The following SPHKAP variants were observed in gnomAD, a reference collection of about 807,000 sequenced individuals.
The protein encoded by SPHKAP is A-kinase anchor protein SPHKAP.
In SPHKAP, 67 loss-of-function variants were observed where a neutral mutation model predicts 137.5. The observed-to-expected ratio is 0.49, with a 90% CI of 0.40 to 0.60. The LOEUF is 0.60. Ranked by LOEUF, SPHKAP falls within the 20% of genes least tolerant of loss-of-function variation. The pLI is 0.00. For synonymous variants in SPHKAP, 813 were observed against 785.3 expected (o/e 1.04, Z -0.59); for missense variants, 2,097 against 2,069.3 (o/e 1.01, Z -0.26).
At chr2:228,154,508 C>CTATATATATATA (rs1331355468) in intron 1 of SPHKAP, among the ~76,000 whole-genome samples, 194 of 34,512 alleles carry the variant, frequency 5.6e-3, no homozygotes, top group Non-Finnish European at 7.6e-3. Flanking sequence ...CTCTCTCTCT[C>CTATATATATATA]TCTCTATATA....
In SPHKAP at chr2:228,175,660, A is replaced by G. The variant is rs376834318; in HGVS notation, c.32+5907T>C. Among the ~76,000 whole-genome samples, 575 of 152,326 alleles carry G rather than the reference A, an allele frequency of 3.8e-3. 4 individuals are homozygous for G. Among genetic ancestry groups the G allele is most frequent in the South Asian group, 0.014 (70 of 4,830 alleles). The stretch of plus-strand genomic sequence containing the variant: ...AAAACATATGACACAAATAGAAAAT[A>G]GCTAGTTAATTTATCCCTATCTACA... On this transcript the variant is annotated intron_variant, in intron 1 of 11. Transcript: ENST00000392056.
At chr2:228,044,171 C>T (rs576663046) in intron 3 of SPHKAP, among the ~76,000 whole-genome samples, 2 of 152,276 alleles carry the variant, frequency 1.3e-5, no homozygotes, top group South Asian at 2.1e-4. Context: ...ACACTTTGTA[C>T]ATCTTTAATA....
At chr2:228,154,481 A>ACTCTCTCTCTCTCTCTCTCTATCT (rs1700035648) in intron 1 of SPHKAP, among the ~76,000 whole-genome samples, 1 of 47,190 alleles carries the variant, frequency 2.1e-5, no homozygotes, top group African/African-American at 8.9e-5. Flanking sequence ...TTGTAAATAA[A>ACTCTCTCTCTCTCTCTCTCTATCT]CTCTCTCTCT....
At chr2:228,159,144 C>A (rs1028542809) in intron 1 of SPHKAP, among the ~76,000 whole-genome samples, 5 of 152,184 alleles carry the variant, frequency 3.3e-5, no homozygotes, top group African/African-American at 1.2e-4. Context: ...CTGCCTTTAC[C>A]AACTCAGACA....
intron 1 of SPHKAP, among the ~76,000 whole-genome samples, chr2:228,172,657 A>G (rs1286663756): frequency 6.6e-6 from 1 of 152,128 alleles, no homozygotes. Context: ...CACAATTCCA[A>G]AACCCCAGGG....
intron 2 of SPHKAP, among the ~76,000 whole-genome samples, chr2:228,118,240 GTTTTTTTTTT>G (rs71299665): frequency 4.0e-5 from 5 of 124,146 alleles, no homozygotes; most frequent in South Asian, 5.5e-4. Context: ...GAGATACACA[GTTTTTTTTTT>G]TTTTTTTTTT....
rs138419826 is a variant in SPHKAP, at chr2:228,096,860, A to G, written c.246+11972T>C. On this transcript the variant is annotated intron_variant, in intron 3 of 11. Transcript: ENST00000392056. Reference sequence around the variant, plus strand: ...AGAGTGAGCTTGTCTTATTTTTACAAAAGAAAGAAATCATACTCTGGAGTC... The same window carrying G: ...AGAGTGAGCTTGTCTTATTTTTACAGAAGAAAGAAATCATACTCTGGAGTC... Among the ~76,000 whole-genome samples the G allele has an allele frequency of 4.3e-3, 648 of 152,268 alleles. 7 individuals carry two copies. Among genetic ancestry groups the G allele is most frequent in the African/African-American group, 0.015 (619 of 41,532 alleles).
chr2:228,029,038 G>A (rs1695178986), intron 3 of SPHKAP, among the ~76,000 whole-genome samples: 1 of 152,228 alleles, frequency 6.6e-6, no homozygotes, highest in Admixed American at 6.5e-5. Flanking sequence ...GTGAGAAAGT[G>A]TAACGCTGTC....
At chr2:228,104,291 CAT>C (rs1377343552) in intron 3 of SPHKAP, among the ~76,000 whole-genome samples, 9 of 138,148 alleles carry the variant, frequency 6.5e-5, no homozygotes, top group African/African-American at 2.2e-4. Flanking sequence ...ATCATTATAT[CAT>C]ATATTATATA....
chr2:228,012,388 G>T (rs181413296), intron 7 of SPHKAP, among the ~76,000 whole-genome samples: 139 of 152,040 alleles, frequency 9.1e-4, no homozygotes, highest in African/African-American at 3.1e-3. Context: ...TTTCGGGCTG[G>T]CTAGATCACC....
intron 7 of SPHKAP, among the ~76,000 whole-genome samples, chr2:228,002,003 T>A (rs1164532769): frequency 6.6e-6 from 1 of 152,246 alleles, no homozygotes; most frequent in East Asian, 1.9e-4. Flanking sequence ...AAGTCTTTGC[T>A]ATTGTGAGTA....
chr2:227,998,815 A>G (rs1693734653), intron 7 of SPHKAP, among the ~76,000 whole-genome samples: 1 of 152,244 alleles, frequency 6.6e-6, no homozygotes, highest in South Asian at 2.1e-4. Flanking sequence ...CTCTTGGCCA[A>G]TCCTGCCTTT....
intron 2 of SPHKAP, among the ~76,000 whole-genome samples, chr2:228,116,031 C>G (rs1698699464): frequency 6.6e-6 from 1 of 152,154 alleles, no homozygotes; most frequent in South Asian, 2.1e-4. Context: ...GAGCCTTCAT[C>G]AGACACTGAA....
intron 2 of SPHKAP, chr2:228,131,664 T>C (rs1290502872): frequency 2.2e-6 from 1 of 455,398 alleles, no homozygotes; most frequent in East Asian, 1.6e-4. Flanking sequence ...TCATTCAAAA[T>C]GCATGAACAT....
chr2:228,017,062 A>G lies in SPHKAP; in HGVS notation c.3792T>C (p.Ala1264=). 6.2e-7 allele frequency: 1 copy of G among 1,614,054 alleles called. No homozygotes were observed. The highest frequency in any genetic ancestry group is 1.1e-5 in the South Asian group (1 of 91,066). Residue 1264 remains alanine, a synonymous_variant, in exon 7 of 12, where the codon GCT becomes GCC. Coordinates refer to ENST00000392056, the MANE Select transcript of SPHKAP (RefSeq NM_001142644.2). ...PIKANSLDGF[A]QNCPQDFLSV... is the part of the protein sequence containing the mutation. The stretch of plus-strand genomic sequence containing the variant: ...TTAGGAAATCTTGTGGGCAGTTCTG[A>G]GCAAAGCCATCTAAAGAGTTGGCTT...
intron 3 of SPHKAP, among the ~76,000 whole-genome samples, chr2:228,072,325 G>A (rs1697030007): frequency 6.6e-6 from 1 of 152,078 alleles, no homozygotes; most frequent in South Asian, 2.1e-4. Flanking sequence ...TACTATAAGT[G>A]TCTACTAATA....
chr2:228,032,032 G>A lies in SPHKAP; in HGVS notation c.247-4489C>T, dbSNP rs1051817521. On this transcript the variant is annotated intron_variant, in intron 3 of 11. Coordinates refer to ENST00000392056, the MANE Select transcript of SPHKAP (RefSeq NM_001142644.2). ...CAGCAACGGAACAAAGCTGGACGGA[G>A]AATGACTTTGATGAGCTGAGAGAAG... Among the ~76,000 whole-genome samples, 5 of 152,212 alleles carry A rather than the reference G, an allele frequency of 3.3e-5. No individual in the cohort carries two copies. In the South Asian group the frequency reaches 6.2e-4, roughly 19 times the overall value.
rs181432119 is a variant in SPHKAP at position 228,079,267 on chromosome 2, T to C, written c.246+29565A>G. ...TAAGAATCAAATGTTGCTGCTGATC[T>C]GACAGGAGGCAGAGCTCAGGCGATA... On this transcript the variant is annotated intron_variant, in intron 3 of 11. Coordinates refer to ENST00000392056, the MANE Select transcript of SPHKAP (RefSeq NM_001142644.2). 2.9e-3 allele frequency among the ~76,000 whole-genome samples: 438 copies of C among 152,334 alleles called. 3 individuals carry two copies. Among genetic ancestry groups the C allele is most frequent in the Non-Finnish European group, 4.8e-3 (326 of 68,028 alleles).
chr2:227,988,571 G>T (rs1372671383), intron 11 of SPHKAP, among the ~76,000 whole-genome samples: 8 of 152,140 alleles, frequency 5.3e-5, no homozygotes, highest in African/African-American at 1.9e-4. Context: ...ACATAACATT[G>T]TTTCTTCAAG....
Sources: gnomAD v4.1 joint callset for allele counts (sites outside exome capture counted in the v4.1 genomes callset) on GRCh38, gnomAD v4.1.1 for gene constraint, MANE v1.5 for transcripts, NCBI Gene and HGNC (gene_info 2026-07-23, HGNC 2026-07-21) for gene names.